SMYD3: variants seen among roughly 807,000 people sequenced by gnomAD.
The protein encoded by SMYD3 is SET and MYND domain containing 3, also known as histone-lysine N-methyltransferase SMYD3.
SMYD3 carries 36 observed loss-of-function variants against 57.7 expected under a neutral mutation model. The ratio of observed to expected loss-of-function variants is 0.62; its 90% CI spans 0.48 to 0.82. The LOEUF is 0.82. Ranked by LOEUF, SMYD3 falls within the 40% of genes least tolerant of loss-of-function variation. SMYD3 has a pLI of 0.00. For missense variants in SMYD3, 515 were observed against 538.8 expected (o/e 0.96, Z 0.44); for synonymous variants, 211 against 195.0 (o/e 1.08, Z -0.68).
chr1:246,272,313 T>C (rs2064238166), intron 5 of SMYD3, among the ~76,000 whole-genome samples: 1 of 152,182 alleles, frequency 6.6e-6, no homozygotes, highest in Non-Finnish European at 1.5e-5. Context: ...ACTTCAGTAG[T>C]ATGTTGAATA....
chr1:246,455,890 A>C (rs924636019), intron 1 of SMYD3, among the ~76,000 whole-genome samples: 5 of 152,242 alleles, frequency 3.3e-5, no homozygotes, highest in African/African-American at 1.2e-4. Flanking sequence ...CAATGATAAA[A>C]GAATTAATGT....
intron 5 of SMYD3, among the ~76,000 whole-genome samples, chr1:246,268,273 T>G (rs1030191620): frequency 1.3e-5 from 2 of 152,178 alleles, no homozygotes; most frequent in African/African-American, 4.8e-5. Flanking sequence ...GAGAGTGACC[T>G]CTGGTCGTCC....
At chr1:246,340,314 A>G (rs1215850981) in intron 2 of SMYD3, among the ~76,000 whole-genome samples, 3 of 152,052 alleles carry the variant, frequency 2.0e-5, no homozygotes, top group Non-Finnish European at 4.4e-5. Context: ...GTAATAAACC[A>G]TGAAACAGTC....
intron 1 of SMYD3, among the ~76,000 whole-genome samples, chr1:246,506,300 C>T (rs2068535330): frequency 6.6e-6 from 1 of 152,182 alleles, no homozygotes; most frequent in African/African-American, 2.4e-5. Context: ...CGGCACAGCG[C>T]GTCCAGGCTT....
At chr1:245,838,181 A>C (rs2050195584) in intron 10 of SMYD3, among the ~76,000 whole-genome samples, 2 of 152,240 alleles carry the variant, frequency 1.3e-5, no homozygotes, top group Admixed American at 1.3e-4. Flanking sequence ...CACAACTAAA[A>C]TTGCAATGAC....
intron 5 of SMYD3, among the ~76,000 whole-genome samples, chr1:246,093,330 A>T (rs2060853547): frequency 6.6e-6 from 1 of 152,238 alleles, no homozygotes; most frequent in Non-Finnish European, 1.5e-5. Flanking sequence ...TGTTTATCAC[A>T]GCACTATTCA....
intron 10 of SMYD3, among the ~76,000 whole-genome samples, chr1:245,829,214 G>A (rs191777280): frequency 6.6e-6 from 1 of 151,050 alleles, no homozygotes; most frequent in Non-Finnish European, 1.5e-5. Context: ...TAACCTATAA[G>A]AAGCTAACTT....
At chr1:245,780,778 T>C (rs2046799365) in intron 10 of SMYD3, among the ~76,000 whole-genome samples, 1 of 152,214 alleles carries the variant, frequency 6.6e-6, no homozygotes, top group Non-Finnish European at 1.5e-5. Flanking sequence ...TAAAAATATA[T>C]GTCCATACAA....
Position 246,100,217 on chromosome 1 carries a change from C to CA in SMYD3, c.532-170281dup, listed in dbSNP as rs376073839. ...AGAGCAAGACTTCAACGCATTAAAA[C>CA]AAAAAAAAGTTTATTTTAGATTAGT... On this transcript the variant is annotated intron_variant, in intron 5 of 11. Coordinates refer to ENST00000490107, the MANE Select transcript of SMYD3 (RefSeq NM_001167740.2). 1.2e-3 allele frequency among the ~76,000 whole-genome samples: 187 copies of CA among 151,644 alleles called. 2 individuals are homozygous for CA. The highest frequency in any genetic ancestry group is 4.3e-3 in the African/African-American group (178 of 41,398).
At chr1:245,762,627 A>G (rs1315761418) in intron 11 of SMYD3, among the ~76,000 whole-genome samples, 3 of 152,232 alleles carry the variant, frequency 2.0e-5, no homozygotes, top group Non-Finnish European at 4.4e-5. Flanking sequence ...GAGTGCCCTC[A>G]GGGAATCCTA....
At chr1:246,210,008 T>G (rs1384144846) in intron 5 of SMYD3, among the ~76,000 whole-genome samples, 1 of 152,172 alleles carries the variant, frequency 6.6e-6, no homozygotes, top group Admixed American at 6.5e-5. Context: ...GACTTCAGTA[T>G]TTCTCAAGAA....
chr1:246,185,409 G>C (rs901894651), intron 5 of SMYD3, among the ~76,000 whole-genome samples: 5 of 110,254 alleles, frequency 4.5e-5, no homozygotes, highest in Non-Finnish European at 9.2e-5. Flanking sequence ...GCTAATTTTT[G>C]TACTTTTAGT....
At chr1:246,262,070 T>A (rs894682088) in intron 5 of SMYD3, among the ~76,000 whole-genome samples, 1 of 152,246 alleles carries the variant, frequency 6.6e-6, no homozygotes, top group African/African-American at 2.4e-5. Flanking sequence ...AGAGGGCAAC[T>A]AATTTTAAAA....
intron 1 of SMYD3, among the ~76,000 whole-genome samples, chr1:246,400,694 A>G (rs1351633314): frequency 6.6e-6 from 1 of 152,250 alleles, no homozygotes; most frequent in Non-Finnish European, 1.5e-5. Context: ...TGCCCCTTTC[A>G]GGCTACTGTA....
chr1:246,337,430 G>C (rs974007046), intron 2 of SMYD3, among the ~76,000 whole-genome samples: 14 of 152,100 alleles, frequency 9.2e-5, no homozygotes, highest in Non-Finnish European at 1.2e-4. Context: ...ATGTGAGTGG[G>C]TTAAGCTAAC....
chr1:246,210,064 A>G (rs2063063313), intron 5 of SMYD3, among the ~76,000 whole-genome samples: 1 of 152,170 alleles, frequency 6.6e-6, no homozygotes, highest in Non-Finnish European at 1.5e-5. Flanking sequence ...GAGCCTGTTT[A>G]AAATGCATAT....
intron 5 of SMYD3, among the ~76,000 whole-genome samples, chr1:245,967,246 T>G (rs892790019): frequency 2.0e-5 from 3 of 152,214 alleles, no homozygotes; most frequent in Non-Finnish European, 2.9e-5. Flanking sequence ...TATATTTCAC[T>G]GTCTGGCAGG....
intron 1 of SMYD3, among the ~76,000 whole-genome samples, chr1:246,458,590 G>T (rs1283312659): frequency 3.4e-5 from 5 of 148,756 alleles, no homozygotes; most frequent in African/African-American, 1.2e-4. Flanking sequence ...GGGACTACAG[G>T]CGCCCACCAC....
At chr1:246,173,358 G>A (rs1269969956) in intron 5 of SMYD3, among the ~76,000 whole-genome samples, 4 of 152,136 alleles carry the variant, frequency 2.6e-5, no homozygotes, top group South Asian at 2.1e-4. Flanking sequence ...CTTTATCAAC[G>A]CTGTACACTT....
Sources: allele counts gnomAD v4.1 joint callset (sites outside exome capture counted in the v4.1 genomes callset), GRCh38; gene constraint gnomAD v4.1.1; transcripts MANE v1.5; gene names NCBI Gene and HGNC (gene_info 2026-07-23, HGNC 2026-07-21).